Variants in ACER3 observed in about 807,000 individuals in gnomAD.
ACER3 encodes alkaline ceramidase 3.
ACER3 carries 16 observed loss-of-function variants against 48.9 expected under a neutral mutation model. That is an observed-to-expected ratio of 0.33 (90% CI 0.22 to 0.50). ACER3 has a LOEUF of 0.50. Ranked by LOEUF, ACER3 falls within the 20% of genes least tolerant of loss-of-function variation. ACER3 has a pLI of 0.98. For missense variants in ACER3, 227 were observed against 326.0 expected (o/e 0.70, Z 2.34); for synonymous variants, 109 against 107.8 (o/e 1.01, Z -0.07).
At chr11:76,986,846 C>T (rs1339118108) in intron 5 of ACER3, among the ~76,000 whole-genome samples, 3 of 152,114 alleles carry the variant, frequency 2.0e-5, no homozygotes, top group African/African-American at 7.2e-5. Flanking sequence ...TGGTGGATCA[C>T]CTTGAGGTCA....
At position 76,975,946 on chromosome 11, in the gene ACER3, C is replaced by T. The variant is rs979866690; in HGVS notation, c.268-343C>T. On this transcript the variant is annotated intron_variant, in intron 3 of 10. Transcript: ENST00000532485. ...CCAGGCTGGAGTGCAGTGGTGCAAT[C>T]ATGGCTCACTGCAGCCTCGACCTCT... 1.1e-4 allele frequency among the ~76,000 whole-genome samples: 14 copies of T among 128,672 alleles called. 1 individual carries two copies. The highest frequency in any genetic ancestry group is 4.7e-4 in the Admixed American group (5 of 10,666). The allele number at this position is 128,672 out of a possible 152,430, so 84.4% of individuals were successfully genotyped here.
intron 6 of ACER3, among the ~76,000 whole-genome samples, chr11:76,991,542 G>A (rs1013589287): frequency 4.0e-5 from 6 of 151,778 alleles, no homozygotes; most frequent in African/African-American, 9.7e-5. Context: ...ACGGCCGGGC[G>A]TGGTGGCTCA....
rs1339392358 is a variant in ACER3 at position 77,025,316 on chromosome 11, A to G, written c.*4989A>G. On this transcript the variant is annotated 3_prime_UTR_variant, in exon 11 of 11. Coordinates refer to ENST00000532485, the MANE Select transcript of ACER3 (RefSeq NM_018367.7). Reference sequence around the variant, plus strand: ...GGTCTAGATCAGGGGTTGGTAAACTACAACCCATGGGCCAAATTCAGGCTG... The same window carrying G: ...GGTCTAGATCAGGGGTTGGTAAACTGCAACCCATGGGCCAAATTCAGGCTG... 1.3e-5 allele frequency: 2 copies of G among 151,322 alleles called. No individual in the cohort carries two copies. The highest frequency in any genetic ancestry group is 4.9e-5 in the African/African-American group (2 of 41,150). The allele number at this position is 151,322 out of a possible 1,614,324, so 9.4% of individuals were successfully genotyped here.
chr11:76,996,271 ACGTTAT>A (rs1204923375), intron 6 of ACER3, among the ~76,000 whole-genome samples: 1 of 152,082 alleles, frequency 6.6e-6, no homozygotes, highest in Non-Finnish European at 1.5e-5. Context: ...TTACTGCAAC[ACGTTAT>A]CATTGGTCTG....
At chr11:76,952,625 A>G (rs1947709356) in intron 2 of ACER3, among the ~76,000 whole-genome samples, 1 of 151,954 alleles carries the variant, frequency 6.6e-6, no homozygotes, top group Non-Finnish European at 1.5e-5. Context: ...TGAAAGAAAC[A>G]AAAAGCAAAC....
chr11:76,979,411 G>A (rs1440705023), intron 4 of ACER3, among the ~76,000 whole-genome samples: 3 of 152,162 alleles, frequency 2.0e-5, no homozygotes, highest in Admixed American at 2.0e-4. Context: ...GACCCATATG[G>A]TGTCAAGCCC....
intron 2 of ACER3, among the ~76,000 whole-genome samples, chr11:76,929,503 A>G (rs1462546078): frequency 1.3e-5 from 2 of 152,204 alleles, no homozygotes; most frequent in Non-Finnish European, 2.9e-5. Context: ...ACTATGTTGA[A>G]TAGGAGTGGT....
intron 1 of ACER3, among the ~76,000 whole-genome samples, chr11:76,872,905 C>CTTTTTTTTTTTTTTTTTTTTTTTTTTTT (rs756362938): frequency 5.3e-5 from 5 of 94,574 alleles, no homozygotes; most frequent in East Asian, 3.0e-4. Context: ...TTTCTTTTTT[C>CTTTTTTTTTTTTTTTTTTTTTTTTTTTT]TTTTTCTTTT....
chr11:77,009,061 A>T (rs184135522), intron 7 of ACER3, among the ~76,000 whole-genome samples: 1 of 152,322 alleles, frequency 6.6e-6, no homozygotes, highest in African/African-American at 2.4e-5. Context: ...CCCTGTCTCC[A>T]AATAATAGCA....
intron 1 of ACER3, among the ~76,000 whole-genome samples, chr11:76,907,843 C>G (rs917716568): frequency 1.3e-5 from 2 of 152,124 alleles, no homozygotes; most frequent in Admixed American, 6.5e-5. Flanking sequence ...TGCACTCCAG[C>G]CTGGGCGACA....
chr11:76,904,797 C>G (rs1396902566), intron 1 of ACER3, among the ~76,000 whole-genome samples: 1 of 151,914 alleles, frequency 6.6e-6, no homozygotes, highest in Non-Finnish European at 1.5e-5. Flanking sequence ...TGGAAAAGTT[C>G]TTCTTAACCA....
chr11:76,979,676 G>T (rs764394859), intron 4 of ACER3, among the ~76,000 whole-genome samples: 3 of 151,810 alleles, frequency 2.0e-5, no homozygotes, highest in Admixed American at 2.0e-4. Context: ...GATATAGAAC[G>T]GGGATCAGAA....
At chr11:76,992,852 C>T (rs1381271302) in intron 6 of ACER3, among the ~76,000 whole-genome samples, 1 of 146,640 alleles carries the variant, frequency 6.8e-6, no homozygotes, top group African/African-American at 2.5e-5. Context: ...CTGGCTTCCT[C>T]GTTGTTCAAC....
chr11:77,007,217 GTTTTTA>G (rs1267652170), intron 7 of ACER3, among the ~76,000 whole-genome samples: 7 of 151,188 alleles, frequency 4.6e-5, no homozygotes, highest in Non-Finnish European at 7.4e-5. Flanking sequence ...TGAGTTTTTT[GTTTTTA>G]TTTTTATTTT....
chr11:77,006,469 C>T (rs948769441), intron 7 of ACER3, among the ~76,000 whole-genome samples: 1 of 151,992 alleles, frequency 6.6e-6, no homozygotes, highest in African/African-American at 2.4e-5. Context: ...CTTTTTTCAT[C>T]ATTTCCTTTC....
At chr11:76,897,800 T>C (rs1945972419) in intron 1 of ACER3, among the ~76,000 whole-genome samples, 2 of 152,238 alleles carry the variant, frequency 1.3e-5, no homozygotes, top group South Asian at 4.1e-4. Context: ...TACTTGTCAG[T>C]TCATCTTTTA....
chr11:76,997,574 C>T (rs1948941126), intron 6 of ACER3, among the ~76,000 whole-genome samples: 1 of 152,160 alleles, frequency 6.6e-6, no homozygotes, highest in Non-Finnish European at 1.5e-5. Context: ...TTCATCTCAT[C>T]AGAAGACCCA....
intron 1 of ACER3, among the ~76,000 whole-genome samples, chr11:76,912,419 C>T (rs1946402175): frequency 6.6e-6 from 1 of 151,854 alleles, no homozygotes; most frequent in South Asian, 2.1e-4. Flanking sequence ...TTACGGCAGC[C>T]CTAGGAAATT....
intron 1 of ACER3, among the ~76,000 whole-genome samples, chr11:76,869,952 C>T (rs1945199772): frequency 1.3e-5 from 2 of 152,166 alleles, no homozygotes; most frequent in African/African-American, 2.4e-5. Flanking sequence ...GCCTTGACCT[C>T]CTAGGCTTAA....
Sources: gnomAD v4.1 joint callset for allele counts (sites outside exome capture counted in the v4.1 genomes callset) on GRCh38, gnomAD v4.1.1 for gene constraint, MANE v1.5 for transcripts, NCBI Gene and HGNC (gene_info 2026-07-23, HGNC 2026-07-21) for gene names.